Variants in TTI1 observed in about 807,000 individuals in gnomAD.
TTI1 encodes the protein TELO2-interacting protein 1 homolog.
In TTI1, 52 loss-of-function variants were observed where a neutral mutation model predicts 85.4. That is an observed-to-expected ratio of 0.61 (90% CI 0.49 to 0.77). The LOEUF (loss-of-function observed/expected upper bound fraction) is 0.77, where lower values mean the gene tolerates loss of function less well. Ranked by LOEUF, TTI1 falls within the 30% of genes least tolerant of loss-of-function variation. The pLI, the probability that TTI1 is intolerant of heterozygous loss-of-function variation, is 0.00. For synonymous variants in TTI1, 512 were observed against 503.9 expected (o/e 1.02, Z -0.22); for missense variants, 1,173 against 1,296.0 (o/e 0.91, Z 1.46).
intron 1 of TTI1, among the ~76,000 whole-genome samples, chr20:38,029,309 C>T (rs1036185708): frequency 1.3e-5 from 2 of 151,746 alleles, no homozygotes; most frequent in East Asian, 1.9e-4. Flanking sequence ...CAGCTATAGC[C>T]ATGCTGAGAT....
intron 3 of TTI1, among the ~76,000 whole-genome samples, chr20:38,003,610 G>A (rs1191780790): frequency 6.6e-6 from 1 of 152,086 alleles, no homozygotes; most frequent in Non-Finnish European, 1.5e-5. Context: ...AAATTAGCCG[G>A]GCATAGTGGC....
chr20:38,012,002 T>C lies in TTI1; in HGVS notation c.1815A>G (p.Thr605=), dbSNP rs1384036389. 6.2e-7 allele frequency: 1 copy of C among 1,614,110 alleles called. No homozygotes were observed. Among genetic ancestry groups the C allele is most frequent in the Non-Finnish European group, 8.5e-7 (1 of 1,180,058 alleles). ...TTGGCTTTGAGAAGGCTAGAAAAGA[T>C]GTAACTTGGCAGGTGTGTTCACCAG... ...ITSGEHTCQV[T]SFLAFSKPSP... is the part of the protein sequence containing the mutation. The change falls in exon 2 of 8, where the codon ACA becomes ACG. Residue 605 remains threonine (T), a synonymous_variant. Coordinates refer to ENST00000373447, the MANE Select transcript of TTI1 (RefSeq NM_001303457.2).
At chr20:37,995,967 C>A (rs1473305356) in intron 7 of TTI1, among the ~76,000 whole-genome samples, 1 of 152,184 alleles carries the variant, frequency 6.6e-6, no homozygotes, top group Non-Finnish European at 1.5e-5. Flanking sequence ...CACCGATGCC[C>A]ATCTAAGACC....
In TTI1 at chr20:38,012,537, C is replaced by A. The variant is rs774053613; in HGVS notation, c.1280G>T (p.Arg427Leu). 2 of 1,614,090 alleles carry A rather than the reference C, an allele frequency of 1.2e-6. No individual in the cohort carries two copies. Among genetic ancestry groups the A allele is most frequent in the African/African-American group, 2.7e-5 (2 of 74,996 alleles). ...FVLNSVAHLQ[R>L]LSKALIQVLE... ...AACTTGGATGAGTGCTTTGGAAAGC[C>A]GCTGGAGATGGGCCACAGAGTTGAG... The change falls in exon 2 of 8, where the codon CGG becomes CTG. Residue 427 changes from arginine (R) to leucine (L), a missense_variant. Arg to Leu is a moderately radical substitution (Grantham distance 102). Coordinates refer to ENST00000373447, the MANE Select transcript of TTI1 (RefSeq NM_001303457.2).
At chr20:38,009,518 T>A (rs6013651) in intron 2 of TTI1, among the ~76,000 whole-genome samples, 37,486 of 151,626 alleles carry the variant, frequency 0.25, 5,216 homozygotes, top group African/African-American at 0.39. Context: ...TTATTTATTT[T>A]TTTTTTTGAG....
intron 1 of TTI1, among the ~76,000 whole-genome samples, chr20:38,017,440 G>A (rs894602660): frequency 1.4e-4 from 21 of 152,006 alleles, no homozygotes; most frequent in Admixed American, 9.8e-4. Context: ...GTGTGTGCGC[G>A]CGCGCCTTTG....
intron 7 of TTI1, 43 bp from the exon 8 acceptor site, chr20:37,983,682 G>C (rs41282814): frequency 0.014 from 19,434 of 1,436,412 alleles, 160 homozygotes; most frequent in Non-Finnish European, 0.016. Context: ...TACAGAGAGG[G>C]AAGGCGGGGA....
chr20:37,999,074 C>G, intron 5 of TTI1, 114 bp downstream of exon 5: 1 of 1,168,426 alleles, frequency 8.6e-7, no homozygotes, highest in Non-Finnish European at 1.1e-6. Context: ...ATACTTTCTT[C>G]ACAGTATGTG....
chr20:38,006,159 G>T (rs2073494648), intron 3 of TTI1, 38 bp downstream of exon 3: 2 of 1,608,704 alleles, frequency 1.2e-6, no homozygotes, highest in African/African-American at 1.3e-5. Flanking sequence ...ATCTGTTTCA[G>T]AAAGAAAAAA....
At chr20:37,987,178 G>A (rs143691543) in intron 7 of TTI1, 65 of 456,700 alleles carry the variant, frequency 1.4e-4, no homozygotes, top group Non-Finnish European at 2.5e-4. Flanking sequence ...AGTCCTTAGC[G>A]CCAGGCTTTG....
At chr20:37,997,556 T>C (rs908860013) in intron 5 of TTI1, among the ~76,000 whole-genome samples, 2 of 152,220 alleles carry the variant, frequency 1.3e-5, no homozygotes, top group African/African-American at 4.8e-5. Flanking sequence ...TCTTTGCATG[T>C]CTTGTTTTAA....
At position 38,017,431 on chromosome 20, in the gene TTI1, T is replaced by TGC. The variant is rs1555795347; in HGVS notation, c.-41-3575_-41-3574insGC. 7.9e-3 allele frequency among the ~76,000 whole-genome samples: 1,186 copies of TGC among 149,844 alleles called. 19 individuals are homozygous for TGC. Among genetic ancestry groups the TGC allele is most frequent in the African/African-American group, 0.029 (1,134 of 39,710 alleles). ...GTGTGTGTGTGTGTGTGTGTGTGTG[T>TGC]GTGTGCGCGCGCGCCTTTGGTGTGT... On this transcript the variant is annotated intron_variant, in intron 1 of 7. Coordinates refer to ENST00000373447, the MANE Select transcript of TTI1 (RefSeq NM_001303457.2).
Position 38,012,559 on chromosome 20 carries a change from T to G in TTI1, c.1258A>C (p.Asn420His). 1 of 1,614,146 alleles carries G rather than the reference T, an allele frequency of 6.2e-7. No homozygotes were observed. Among genetic ancestry groups the G allele is most frequent in the Non-Finnish European group, 8.5e-7 (1 of 1,180,034 alleles). Reference sequence around the variant, plus strand: ...AGCCGCTGGAGATGGGCCACAGAGTTGAGGACAAAGTTTATTTTTGGGCCC... The same window carrying G: ...AGCCGCTGGAGATGGGCCACAGAGTGGAGGACAAAGTTTATTTTTGGGCCC... ...LLGPKINFVLNSVAHLQRLSK... is the reference protein window; with the variant it reads ...LLGPKINFVLHSVAHLQRLSK... The change falls in exon 2 of 8, where the codon AAC becomes CAC. Residue 420 changes from asparagine to histidine, a missense_variant. Physicochemically the swap from Asn to His is moderately conservative, Grantham distance 68 (BLOSUM62 1). Coordinates refer to ENST00000373447, the MANE Select transcript of TTI1 (RefSeq NM_001303457.2).
chr20:38,009,111 A>G (rs1372961390), intron 2 of TTI1, among the ~76,000 whole-genome samples: 1 of 152,214 alleles, frequency 6.6e-6, no homozygotes, highest in Non-Finnish European at 1.5e-5. Context: ...CTTGAGAGAT[A>G]TATTTCACAG....
At chr20:38,030,591 T>C (rs2073894396) in intron 1 of TTI1, among the ~76,000 whole-genome samples, 1 of 150,008 alleles carries the variant, frequency 6.7e-6, no homozygotes, top group Non-Finnish European at 1.5e-5. Context: ...ATTTCAGAGA[T>C]GCAAGACTGG....
chr20:37,987,101 C>G (rs896696112), intron 7 of TTI1: 15 of 451,154 alleles, frequency 3.3e-5, no homozygotes, highest in Non-Finnish European at 5.4e-5. Flanking sequence ...ACGACAAATT[C>G]CAAACCGCAC....
chr20:38,008,976 T>A (rs1304950274), intron 2 of TTI1, among the ~76,000 whole-genome samples: 2 of 150,804 alleles, frequency 1.3e-5, no homozygotes, highest in Non-Finnish European at 2.9e-5. Flanking sequence ...TCCCTCCACC[T>A]CATTTTTTTT....
chr20:38,020,323 A>AAAAAAAAAAAATATATATATATATAT, intron 1 of TTI1, among the ~76,000 whole-genome samples: 1 of 50,376 alleles, frequency 2.0e-5, no homozygotes, highest in African/African-American at 8.9e-5. Flanking sequence ...AAAAAAAAAA[A>AAAAAAAAAAAATATATATATATATAT]ATATATATAT....
intron 3 of TTI1, among the ~76,000 whole-genome samples, chr20:38,004,241 T>C (rs928471993): frequency 3.9e-5 from 6 of 152,198 alleles, no homozygotes; most frequent in African/African-American, 1.4e-4. Flanking sequence ...GAGAATTGCA[T>C]GAAACCCAGG....
Sources: allele counts gnomAD v4.1 joint callset (sites outside exome capture counted in the v4.1 genomes callset), GRCh38; gene constraint gnomAD v4.1.1; transcripts MANE v1.5; gene names NCBI Gene and HGNC (gene_info 2026-07-23, HGNC 2026-07-21).